The following TASP1 variants were observed in gnomAD, a reference collection of about 807,000 sequenced individuals.
The protein encoded by TASP1 is threonine aspartase 1.
Under a neutral mutation model 56.6 loss-of-function variants are expected in TASP1, and 16 were observed. The ratio of observed to expected loss-of-function variants is 0.28; its 90% CI spans 0.19 to 0.43. The LOEUF (loss-of-function observed/expected upper bound fraction) is 0.43, where lower values mean the gene tolerates loss of function less well. Ranked by LOEUF, TASP1 falls within the 20% of genes least tolerant of loss-of-function variation. The pLI, the probability that TASP1 is intolerant of heterozygous loss-of-function variation, is 1.00. For synonymous variants in TASP1, 179 were observed against 184.2 expected (o/e 0.97, Z 0.23); for missense variants, 393 against 511.6 (o/e 0.77, Z 2.24).
At chr20:13,340,491 T>A in the TASP1 span, among the ~76,000 whole-genome samples, 1 of 105,946 alleles carries the variant, frequency 9.4e-6, no homozygotes, top group Non-Finnish European at 1.8e-5. Context: ...TGTGTTTGCT[T>A]TTTTTTTTTG....
At chr20:13,451,140 C>A (rs944198466) in intron 11 of TASP1, among the ~76,000 whole-genome samples, 1 of 152,046 alleles carries the variant, frequency 6.6e-6, no homozygotes, top group Non-Finnish European at 1.5e-5. Flanking sequence ...TTAAAGTATT[C>A]AGTAAACTGT....
chr20:13,546,276 C>T (rs1241660118), intron 8 of TASP1, among the ~76,000 whole-genome samples: 1 of 152,114 alleles, frequency 6.6e-6, no homozygotes, highest in Non-Finnish European at 1.5e-5. Context: ...AGCCCATGCA[C>T]TTCTCCAAAT....
chr20:13,290,862 C>G, the TASP1 span, among the ~76,000 whole-genome samples: 2 of 152,158 alleles, frequency 1.3e-5, no homozygotes, highest in Non-Finnish European at 2.9e-5. Flanking sequence ...GTAACTGAGG[C>G]ATAGAGGATT....
the TASP1 span, among the ~76,000 whole-genome samples, chr20:13,256,060 C>T: frequency 6.6e-6 from 1 of 151,948 alleles, no homozygotes; most frequent in Non-Finnish European, 1.5e-5. Context: ...GAGTTCGAAA[C>T]CCTGTGTCCT....
chr20:13,151,317 C>CT, the TASP1 span, among the ~76,000 whole-genome samples: 21 of 152,172 alleles, frequency 1.4e-4, no homozygotes, highest in Non-Finnish European at 2.8e-4. Flanking sequence ...TTTATTGTCT[C>CT]TTTTTCAAAG....
chr20:13,475,946 C>T (rs1447389588), intron 11 of TASP1, among the ~76,000 whole-genome samples: 3 of 151,082 alleles, frequency 2.0e-5, no homozygotes, highest in Admixed American at 6.6e-5. Context: ...GGTGAAACCC[C>T]GTCTCTACTA....
At chr20:13,472,182 C>T (rs2044530389) in intron 11 of TASP1, among the ~76,000 whole-genome samples, 1 of 150,668 alleles carries the variant, frequency 6.6e-6, no homozygotes, top group Non-Finnish European at 1.5e-5. Context: ...TAACACCATG[C>T]ATCTACAACC....
At chr20:13,218,271 T>G in the TASP1 span, among the ~76,000 whole-genome samples, 1 of 139,770 alleles carries the variant, frequency 7.2e-6, no homozygotes. Flanking sequence ...AATGAATGAA[T>G]GAAAAAGAAA....
chr20:13,232,955 G>A, the TASP1 span, among the ~76,000 whole-genome samples: 1 of 152,046 alleles, frequency 6.6e-6, no homozygotes, highest in Non-Finnish European at 1.5e-5. Context: ...TCCAAGTGAT[G>A]GTGGTGACAG....
chr20:13,431,073 G>T (rs2042788959), intron 12 of TASP1, among the ~76,000 whole-genome samples: 1 of 151,838 alleles, frequency 6.6e-6, no homozygotes. Context: ...GAGATTGTGT[G>T]ATTATATTAT....
the TASP1 span, among the ~76,000 whole-genome samples, chr20:13,292,035 C>T: frequency 3.9e-5 from 6 of 152,164 alleles, no homozygotes; most frequent in African/African-American, 7.2e-5. Flanking sequence ...TTAAACACTA[C>T]GTTCTACTGC....
chr20:13,413,619 G>A (rs6109867), intron 13 of TASP1, among the ~76,000 whole-genome samples: 8,962 of 152,054 alleles, frequency 0.059, 408 homozygotes, highest in African/African-American at 0.13. Context: ...ATGCAGACTT[G>A]GTTATAAACC....
the TASP1 span, among the ~76,000 whole-genome samples, chr20:13,232,689 A>T: frequency 6.6e-6 from 1 of 152,350 alleles, no homozygotes; most frequent in African/African-American, 2.4e-5. Flanking sequence ...TGTTTAGCTT[A>T]TTAAGAAATT....
the TASP1 span, among the ~76,000 whole-genome samples, chr20:13,327,028 G>A: frequency 6.6e-6 from 1 of 152,160 alleles, no homozygotes; most frequent in Non-Finnish European, 1.5e-5. Flanking sequence ...AATTATCTTT[G>A]TTTGCAGATG....
At chr20:13,605,520 T>A (rs867973372) in intron 4 of TASP1, among the ~76,000 whole-genome samples, 6 of 151,276 alleles carry the variant, frequency 4.0e-5, no homozygotes, top group Admixed American at 1.3e-4. Context: ...TCTCCAAAAA[T>A]TTTTTTTTAA....
At chr20:13,349,719 T>C in the TASP1 span, among the ~76,000 whole-genome samples, 2 of 152,134 alleles carry the variant, frequency 1.3e-5, no homozygotes, top group African/African-American at 4.8e-5. Context: ...TTGCAAGAAA[T>C]CTACAAAAAA....
At chr20:13,247,520 GTGTGTGTGTGT>G in the TASP1 span, among the ~76,000 whole-genome samples, 3 of 85,354 alleles carry the variant, frequency 3.5e-5, no homozygotes, top group South Asian at 7.9e-4. Context: ...AGTGAGGGGT[GTGTGTGTGTGT>G]GTGTGTGTGT....
At chr20:13,337,113 C>T in the TASP1 span, among the ~76,000 whole-genome samples, 1 of 152,170 alleles carries the variant, frequency 6.6e-6, no homozygotes, top group Non-Finnish European at 1.5e-5. Flanking sequence ...CAAGTTAAAG[C>T]AAAACCATCT....
At chr20:13,517,937 T>C (rs2044599885) in intron 10 of TASP1, among the ~76,000 whole-genome samples, 1 of 152,148 alleles carries the variant, frequency 6.6e-6, no homozygotes, top group South Asian at 2.1e-4. Context: ...TTATATACTC[T>C]GTTATCTGTA....
Sources: gnomAD v4.1 joint callset for allele counts (sites outside exome capture counted in the v4.1 genomes callset) on GRCh38, gnomAD v4.1.1 for gene constraint, MANE v1.5 for transcripts, NCBI Gene and HGNC (gene_info 2026-07-23, HGNC 2026-07-21) for gene names.